Variants in SCHIP1 observed in about 807,000 individuals in gnomAD.
SCHIP1 encodes the protein schwannomin interacting protein 1.
In SCHIP1, 8 loss-of-function variants were observed where a neutral mutation model predicts 29.7. That is an observed-to-expected ratio of 0.27 (90% CI 0.16 to 0.49). SCHIP1 has a LOEUF of 0.49. Among genes scored for constraint, SCHIP1 ranks in the 20% least tolerant of loss-of-function variants. SCHIP1 has a pLI of 0.99. For synonymous variants in SCHIP1, 76 were observed against 94.9 expected (o/e 0.80, Z 1.16); for missense variants, 193 against 294.6 (o/e 0.66, Z 2.52).
the SCHIP1 span, among the ~76,000 whole-genome samples, chr3:159,501,631 G>A: frequency 3.3e-5 from 5 of 152,280 alleles, no homozygotes; most frequent in South Asian, 6.2e-4. Flanking sequence ...TAAACCATGT[G>A]TTATAGCAGA....
chr3:159,631,734 T>C, the SCHIP1 span, among the ~76,000 whole-genome samples: 2 of 152,234 alleles, frequency 1.3e-5, no homozygotes. Flanking sequence ...AATGAAACAC[T>C]CTAGATAGTT....
chr3:159,868,657 C>G (rs1005929104), intron 2 of SCHIP1, among the ~76,000 whole-genome samples: 1 of 151,968 alleles, frequency 6.6e-6, no homozygotes, highest in East Asian at 1.9e-4. Context: ...CATTTGTATT[C>G]CAGTGTGTGA....
At chr3:159,383,180 C>A in the SCHIP1 span, among the ~76,000 whole-genome samples, 1 of 150,094 alleles carries the variant, frequency 6.7e-6, no homozygotes, top group African/African-American at 2.5e-5. Flanking sequence ...GAAGTCCTTG[C>A]CCATGCCTAT....
the SCHIP1 span, among the ~76,000 whole-genome samples, chr3:159,588,874 T>C: frequency 6.6e-6 from 1 of 152,234 alleles, no homozygotes; most frequent in East Asian, 1.9e-4. Context: ...AGCCTTGTAG[T>C]AGAGTTTGAA....
chr3:159,277,011 A>G, the SCHIP1 span, among the ~76,000 whole-genome samples: 3 of 152,170 alleles, frequency 2.0e-5, no homozygotes, highest in African/African-American at 4.8e-5. Flanking sequence ...TACATCACAC[A>G]GTGCCTGATT....
the SCHIP1 span, among the ~76,000 whole-genome samples, chr3:159,393,294 C>T: frequency 6.6e-6 from 1 of 152,248 alleles, no homozygotes; most frequent in South Asian, 2.1e-4. Flanking sequence ...GTTTCTTTTG[C>T]TGTGTAGAAG....
the SCHIP1 span, among the ~76,000 whole-genome samples, chr3:159,327,448 A>G: frequency 6.6e-6 from 1 of 152,156 alleles, no homozygotes; most frequent in South Asian, 2.1e-4. Flanking sequence ...ATTAATAAAG[A>G]TTTCAAGTCA....
chr3:159,511,712 G>A, the SCHIP1 span, among the ~76,000 whole-genome samples: 1 of 152,186 alleles, frequency 6.6e-6, no homozygotes, highest in Admixed American at 6.5e-5. Context: ...ATGCTTGTAT[G>A]TGGACATAGC....
chr3:159,786,327 C>A, the SCHIP1 span, among the ~76,000 whole-genome samples: 1 of 152,114 alleles, frequency 6.6e-6, no homozygotes, highest in African/African-American at 2.4e-5. Flanking sequence ...ATCTATGATA[C>A]CCTTATTGTG....
At chr3:159,609,656 C>G in the SCHIP1 span, among the ~76,000 whole-genome samples, 1 of 152,128 alleles carries the variant, frequency 6.6e-6, no homozygotes, top group South Asian at 2.1e-4. Context: ...TCCCTTCCCA[C>G]TAGGTGGGAG....
At chr3:159,475,666 C>T in the SCHIP1 span, among the ~76,000 whole-genome samples, 1 of 152,000 alleles carries the variant, frequency 6.6e-6, no homozygotes, top group African/African-American at 2.4e-5. Context: ...ATAGAGCTCC[C>T]CTCTTAACCC....
chr3:159,373,824 T>C, the SCHIP1 span, among the ~76,000 whole-genome samples: 1 of 152,192 alleles, frequency 6.6e-6, no homozygotes, highest in South Asian at 2.1e-4. Flanking sequence ...ATTATTCATT[T>C]GTTGATGGAC....
At chr3:159,549,955 G>A in the SCHIP1 span, among the ~76,000 whole-genome samples, 1 of 150,778 alleles carries the variant, frequency 6.6e-6, no homozygotes, top group African/African-American at 2.4e-5. Context: ...GATAGAAGTA[G>A]AATACATGTT....
At chr3:159,555,024 C>T in the SCHIP1 span, among the ~76,000 whole-genome samples, 8 of 152,254 alleles carry the variant, frequency 5.3e-5, no homozygotes, top group Non-Finnish European at 1.0e-4. Flanking sequence ...CTGATACCAG[C>T]ACCACACACA....
the SCHIP1 span, among the ~76,000 whole-genome samples, chr3:159,791,603 C>A: frequency 6.6e-6 from 1 of 152,196 alleles, no homozygotes; most frequent in African/African-American, 2.4e-5. Context: ...CTGGCCATTC[C>A]CCCATGCCTC....
At chr3:159,808,370 T>C in the SCHIP1 span, 1 of 152,334 alleles carries the variant, frequency 6.6e-6, no homozygotes, top group Non-Finnish European at 1.5e-5. Context: ...TCAGCAATAG[T>C]CCTATGCTTC....
chr3:159,304,902 C>A, the SCHIP1 span, among the ~76,000 whole-genome samples: 2 of 152,180 alleles, frequency 1.3e-5, no homozygotes, highest in Non-Finnish European at 2.9e-5. Context: ...GAAATCCCTG[C>A]CTCTGTTCCC....
the SCHIP1 span, among the ~76,000 whole-genome samples, chr3:159,556,016 T>C: frequency 6.6e-6 from 1 of 152,176 alleles, no homozygotes; most frequent in South Asian, 2.1e-4. Context: ...TGTATACCTA[T>C]GTAACAAACT....
the SCHIP1 span, among the ~76,000 whole-genome samples, chr3:159,399,160 C>T: frequency 6.6e-6 from 1 of 152,184 alleles, no homozygotes; most frequent in East Asian, 1.9e-4. Context: ...CAAATCTGCA[C>T]AGCCAATTTT....
Sources: gnomAD v4.1 joint callset for allele counts (sites outside exome capture counted in the v4.1 genomes callset) on GRCh38, gnomAD v4.1.1 for gene constraint, MANE v1.5 for transcripts, NCBI Gene and HGNC (gene_info 2026-07-23, HGNC 2026-07-21) for gene names.